The following GTF2B variants were observed in gnomAD, a reference collection of about 807,000 sequenced individuals.
GTF2B encodes transcription initiation factor IIB.
GTF2B carries 20 observed loss-of-function variants against 34.6 expected under a neutral mutation model. The ratio of observed to expected loss-of-function variants is 0.58; its 90% CI spans 0.41 to 0.84. The LOEUF is 0.84. GTF2B is among the 40% of genes least tolerant of loss of function. GTF2B has a pLI of 0.00. For missense variants in GTF2B, 237 were observed against 393.3 expected (o/e 0.60, Z 3.36); for synonymous variants, 142 against 132.4 (o/e 1.07, Z -0.50).
intron 2 of GTF2B, among the ~76,000 whole-genome samples, chr1:88,881,373 T>C (rs1673936263): frequency 6.6e-6 from 1 of 152,136 alleles, no homozygotes; most frequent in Non-Finnish European, 1.5e-5. Context: ...ACGATGCATT[T>C]CTCAGAACAT....
At chr1:88,859,604 A>T (rs1422798311) in intron 5 of GTF2B, among the ~76,000 whole-genome samples, 1 of 152,156 alleles carries the variant, frequency 6.6e-6, no homozygotes, top group East Asian at 1.9e-4. Context: ...GGGAGGCCAA[A>T]GTGGGCAGAT....
chr1:88,857,086 C>G (rs1006966567), intron 6 of GTF2B, 120 bp downstream of exon 6: 1 of 864,878 alleles, frequency 1.2e-6, no homozygotes, highest in East Asian at 2.4e-5. Context: ...TAGGTGTGAG[C>G]CCCCGCGCCT....
intron 2 of GTF2B, among the ~76,000 whole-genome samples, chr1:88,866,232 T>C (rs1416150417): frequency 3.3e-5 from 5 of 151,962 alleles, no homozygotes; most frequent in African/African-American, 1.2e-4. Context: ...CTGGGCGTGG[T>C]GGCATGTGCC....
chr1:88,863,365 A>G (rs1673486557), intron 3 of GTF2B, among the ~76,000 whole-genome samples: 1 of 151,572 alleles, frequency 6.6e-6, no homozygotes, highest in South Asian at 2.1e-4. Flanking sequence ...TTTTTTTGAG[A>G]CAGAGTCTCA....
chr1:88,856,277 A>AAAAAAAC (rs1673305739), intron 6 of GTF2B, among the ~76,000 whole-genome samples: 1 of 126,802 alleles, frequency 7.9e-6, no homozygotes, highest in African/African-American at 3.1e-5. Context: ...AAAAACAAAA[A>AAAAAAAC]AAAAAAAAAA....
intron 2 of GTF2B, among the ~76,000 whole-genome samples, chr1:88,873,462 T>C (rs910473560): frequency 1.3e-5 from 2 of 151,952 alleles, no homozygotes; most frequent in African/African-American, 4.8e-5. Context: ...GCCTCCCAAA[T>C]TGCTGGGATT....
At chr1:88,877,839 G>A (rs1673849641) in intron 2 of GTF2B, among the ~76,000 whole-genome samples, 1 of 152,234 alleles carries the variant, frequency 6.6e-6, no homozygotes. Context: ...GCTGAGGAAG[G>A]AGAATCACTG....
At chr1:88,873,686 T>C (rs1300908545) in intron 2 of GTF2B, among the ~76,000 whole-genome samples, 2 of 152,226 alleles carry the variant, frequency 1.3e-5, no homozygotes, top group African/African-American at 4.8e-5. Flanking sequence ...TTGCATTTTG[T>C]AGCACGGGAC....
chr1:88,882,454 T>C (rs1263806771), intron 2 of GTF2B, among the ~76,000 whole-genome samples: 3 of 152,020 alleles, frequency 2.0e-5, no homozygotes, highest in African/African-American at 7.2e-5. Context: ...TGGAAGGCTC[T>C]CATTTAACTG....
At chr1:88,876,660 C>G (rs1300968365) in intron 2 of GTF2B, among the ~76,000 whole-genome samples, 1 of 152,076 alleles carries the variant, frequency 6.6e-6, no homozygotes, top group African/African-American at 2.4e-5. Flanking sequence ...GGCAACAGAG[C>G]GAGACCCTGT....
At chr1:88,873,347 G>A (rs1034247007) in intron 2 of GTF2B, among the ~76,000 whole-genome samples, 1 of 151,724 alleles carries the variant, frequency 6.6e-6, no homozygotes, top group Non-Finnish European at 1.5e-5. Context: ...GCACCACCAC[G>A]CCAGGCTAAT....
intron 1 of GTF2B, among the ~76,000 whole-genome samples, chr1:88,888,281 C>T (rs1337785755): frequency 6.6e-6 from 1 of 152,134 alleles, no homozygotes; most frequent in Non-Finnish European, 1.5e-5. Flanking sequence ...CTCATGCTAG[C>T]AAATACAATT....
In GTF2B at chr1:88,881,196, T is replaced by A. The variant is rs1031037155; in HGVS notation, c.124+6065A>T. 2.7e-5 allele frequency among the ~76,000 whole-genome samples: 4 copies of A among 147,192 alleles called. No individual in the cohort carries two copies. The South Asian group carries it at 6.5e-4, about 24-fold the overall frequency. On this transcript the variant is annotated intron_variant, in intron 2 of 6. Coordinates refer to ENST00000370500, the MANE Select transcript of GTF2B (RefSeq NM_001514.6). The stretch of plus-strand genomic sequence containing the variant: ...AAAAAAAAAAAAAAAAAAAGATACA[T>A]ACTTACCTCTGAGTTAAAACTGCCT...
chr1:88,885,259 T>C (rs981654458), intron 2 of GTF2B, among the ~76,000 whole-genome samples: 1 of 143,496 alleles, frequency 7.0e-6, no homozygotes, highest in Non-Finnish European at 1.5e-5. Flanking sequence ...GCCAACATGC[T>C]GAAACCCTGT....
intron 2 of GTF2B, among the ~76,000 whole-genome samples, chr1:88,872,693 A>AT (rs1673724862): frequency 6.6e-6 from 1 of 152,030 alleles, no homozygotes; most frequent in South Asian, 2.1e-4. Flanking sequence ...AACTTAACAG[A>AT]TATCTTGTCT....
Position 88,857,329 on chromosome 1 carries a change from C to G in GTF2B, c.694G>C (p.Ala232Pro). The G allele has an allele frequency of 1.9e-6, 3 of 1,613,754 alleles. No individual in the cohort carries two copies. Among genetic ancestry groups the G allele is most frequent in the Non-Finnish European group, 1.7e-6 (2 of 1,179,646 alleles). Residue 232 changes from alanine (A) to proline (P), a missense_variant, in exon 6 of 7, where the codon GCT (alanine) becomes CCT (proline). Physicochemically the swap from Ala to Pro is conservative, Grantham distance 27. Transcript: ENST00000370500. ...LCLPKQVQMA[A>P]THIARKAVEL... ...ACAGCTTTACGGGCTATATGTGTAGCTGCCATCTGTACTTGTTTAGGAAGA... is the reference window on the plus strand; with the variant it reads ...ACAGCTTTACGGGCTATATGTGTAGGTGCCATCTGTACTTGTTTAGGAAGA...
At chr1:88,856,273 A>AAAC (rs1673303867) in intron 6 of GTF2B, among the ~76,000 whole-genome samples, 8 of 51,236 alleles carry the variant, frequency 1.6e-4, no homozygotes, top group South Asian at 7.9e-4. Context: ...TTTCAAAAAC[A>AAAC]AAAAAAAAAA....
intron 2 of GTF2B, among the ~76,000 whole-genome samples, chr1:88,879,766 G>C (rs910420975): frequency 2.6e-5 from 4 of 151,878 alleles, no homozygotes; most frequent in Non-Finnish European, 5.9e-5. Flanking sequence ...TTAAATATAA[G>C]ACTGTCCAGC....
chr1:88,888,819 T>C (rs1412530792), intron 1 of GTF2B, among the ~76,000 whole-genome samples: 5 of 152,358 alleles, frequency 3.3e-5, no homozygotes, highest in East Asian at 1.9e-4. Flanking sequence ...ATGCCATTTA[T>C]GACAACTTTA....
Sources: allele counts gnomAD v4.1 joint callset (sites outside exome capture counted in the v4.1 genomes callset), GRCh38; gene constraint gnomAD v4.1.1; transcripts MANE v1.5; gene names NCBI Gene and HGNC (gene_info 2026-07-23, HGNC 2026-07-21).